Variants in INPP5K observed in about 807,000 individuals in gnomAD.
INPP5K encodes the protein inositol polyphosphate 5-phosphatase K.
Under a neutral mutation model 53.5 loss-of-function variants are expected in INPP5K, and 35 were observed. That is an observed-to-expected ratio of 0.65 (90% CI 0.50 to 0.87). INPP5K has a LOEUF of 0.87. INPP5K is among the 40% of genes least tolerant of loss of function. INPP5K has a pLI of 0.00. For missense variants in INPP5K, 550 were observed against 586.2 expected (o/e 0.94, Z 0.64); for synonymous variants, 253 against 232.8 (o/e 1.09, Z -0.79).
chr17:1,499,116 T>G (rs1458572435), intron 7 of INPP5K, among the ~76,000 whole-genome samples: 9 of 152,176 alleles, frequency 5.9e-5, no homozygotes, highest in Non-Finnish European at 1.0e-4. Flanking sequence ...CCATGAAGGG[T>G]TGCTAGGATG....
chr17:1,505,181 A>G (rs911433064), intron 7 of INPP5K, among the ~76,000 whole-genome samples: 3 of 152,066 alleles, frequency 2.0e-5, no homozygotes, highest in African/African-American at 4.8e-5. Context: ...GCTGGAGTGC[A>G]GTGAGTCAAT....
chr17:1,509,948 G>C, intron 3 of INPP5K, 149 bp from the exon 4 acceptor site: 1 of 581,606 alleles, frequency 1.7e-6, no homozygotes, highest in Non-Finnish European at 3.0e-6. Flanking sequence ...GAATCTCAGA[G>C]TTTCAAGCCT....
At chr17:1,505,410 A>G (rs985576815) in intron 7 of INPP5K, among the ~76,000 whole-genome samples, 6 of 151,646 alleles carry the variant, frequency 4.0e-5, no homozygotes, top group Non-Finnish European at 5.9e-5. Context: ...AGCTCCCACC[A>G]GGACTCTTGT....
chr17:1,496,878 T>A (rs1198691592), intron 8 of INPP5K, 75 bp from the exon 9 acceptor site: 9 of 1,514,218 alleles, frequency 5.9e-6, no homozygotes, highest in Non-Finnish European at 8.1e-6. Context: ...TTCCTCACTG[T>A]GCCCTTCCAA....
rs200171094 is a variant in INPP5K at position 1,507,037 on chromosome 17, C to T, written c.719G>A (p.Arg240His). 45 of 1,613,980 alleles carry T rather than the reference C, an allele frequency of 2.8e-5. No homozygotes were observed. Among genetic ancestry groups the T allele is most frequent in the Middle Eastern group, 1.6e-4 (1 of 6,062 alleles). ...DPLLREFQEG[R>H]LLFPPTYKFD... ...CTTGTAGGTGGGCGGGAAGAGTAGG[C>T]GGCCCTCCTGGAACTCCCGGAGCAG... is the stretch of plus-strand genomic sequence containing the variant. Residue 240 changes from arginine (R) to histidine (H), a missense_variant, in exon 7 of 12, where the codon CGC becomes CAC. Physicochemically the swap from Arg to His is conservative, Grantham distance 29. Transcript: ENST00000421807.
intron 1 of INPP5K, among the ~76,000 whole-genome samples, chr17:1,514,669 CCT>C (rs956168962): frequency 1.3e-5 from 2 of 152,104 alleles, no homozygotes; most frequent in African/African-American, 4.8e-5. Flanking sequence ...CACCCACACC[CCT>C]CTGTCATCAT....
In INPP5K at chr17:1,507,025, G is replaced by A. The variant is rs769608442; in HGVS notation, c.731C>T (p.Pro244Leu). ...REFQEGRLLFPPTYKFDRNSN... is the reference protein window; with the variant it reads ...REFQEGRLLFLPTYKFDRNSN... ...GTTCCTATCAAACTTGTAGGTGGGC[G>A]GGAAGAGTAGGCGGCCCTCCTGGAA... is the stretch of plus-strand genomic sequence containing the variant. Residue 244 changes from proline to leucine, a missense_variant, in exon 7 of 12, where the codon CCG becomes CTG. Pro to Leu is a moderately conservative substitution (Grantham distance 98). Coordinates refer to ENST00000421807, the MANE Select transcript of INPP5K (RefSeq NM_016532.4). 2.1e-5 allele frequency: 34 copies of A among 1,613,866 alleles called. No homozygotes were observed. The highest frequency in any genetic ancestry group is 1.4e-4 in the South Asian group (13 of 91,078).
intron 1 of INPP5K, 103 bp downstream of exon 1, chr17:1,516,353 A>C: frequency 7.8e-7 from 1 of 1,279,196 alleles, no homozygotes; most frequent in Non-Finnish European, 1.1e-6. Flanking sequence ...CTCTGAACCA[A>C]AGGCAGTCAT....
rs140874421 is a variant in INPP5K, at chr17:1,495,460, G to A, written c.*363C>T. 2.1e-4 allele frequency: 51 copies of A among 247,114 alleles called. No homozygotes were observed. In the East Asian group the frequency reaches 4.6e-3, roughly 22 times the overall value. 15.3% of individuals were successfully genotyped at this position (247,114 alleles called of 1,614,324 possible). On this transcript the variant is annotated 3_prime_UTR_variant, in exon 12 of 12. Coordinates refer to ENST00000421807, the MANE Select transcript of INPP5K (RefSeq NM_016532.4). ...GACAGCCTGAGGCCCAGGACGGCAC[G>A]ACAAGAATGCAGGCCTGTGCCAAAT...
At chr17:1,499,329 C>A (rs753077666) in intron 7 of INPP5K, among the ~76,000 whole-genome samples, 1 of 152,066 alleles carries the variant, frequency 6.6e-6, no homozygotes, top group African/African-American at 2.4e-5. Flanking sequence ...TGACTCTCTA[C>A]TAAAAGTACA....
intron 7 of INPP5K, among the ~76,000 whole-genome samples, chr17:1,506,223 C>T (rs749862814): frequency 1.5e-4 from 23 of 152,098 alleles, no homozygotes; most frequent in Non-Finnish European, 2.9e-4. Context: ...GGGGTTTTAC[C>T]ATGTTGGTCA....
Position 1,496,159 on chromosome 17 carries a change from G to A in INPP5K, c.1191C>T (p.Tyr397=). ...TGGTAGGGATATTGCTGATGTCGATGTAAACCTGGAGGGGGATGGACAGGA... is the reference window on the plus strand; with the variant it reads ...TGGTAGGGATATTGCTGATGTCGATATAAACCTGGAGGGGGATGGACAGGA... The part of the protein sequence containing the change: ...VSCSDNLNQV[Y]IDISNIPTTE... Residue 397 remains tyrosine, a synonymous_variant, in exon 11 of 12, where the codon TAC becomes TAT. Transcript: ENST00000421807. 6.2e-7 allele frequency: 1 copy of A among 1,608,050 alleles called. No homozygotes were observed. The highest frequency in any genetic ancestry group is 8.5e-7 in the Non-Finnish European group (1 of 1,174,512).
intron 11 of INPP5K, 70 bp from the exon 12 acceptor site, chr17:1,495,949 C>G (rs573188602): frequency 2.1e-6 from 3 of 1,452,404 alleles, no homozygotes; most frequent in Non-Finnish European, 1.9e-6. Flanking sequence ...ACCCCCGTTC[C>G]TGCACTGCAG....
chr17:1,501,674 C>A (rs545706916), intron 7 of INPP5K, among the ~76,000 whole-genome samples: 10 of 152,318 alleles, frequency 6.6e-5, no homozygotes, highest in African/African-American at 2.4e-4. Flanking sequence ...AGACCACAGA[C>A]ACTGCGTCCC....
intron 7 of INPP5K, among the ~76,000 whole-genome samples, chr17:1,499,704 T>C (rs2074955778): frequency 6.6e-6 from 1 of 152,198 alleles, no homozygotes; most frequent in Non-Finnish European, 1.5e-5. Context: ...CTTGAGGCCC[T>C]GCCCTCCTGG....
chr17:1,506,737 C>T (rs181942661), intron 7 of INPP5K, among the ~76,000 whole-genome samples: 1 of 152,038 alleles, frequency 6.6e-6, no homozygotes, highest in African/African-American at 2.4e-5. Flanking sequence ...ATCTGTAACA[C>T]CCCCACCCCC....
At chr17:1,499,891 C>G (rs553192971) in intron 7 of INPP5K, among the ~76,000 whole-genome samples, 1 of 152,390 alleles carries the variant, frequency 6.6e-6, no homozygotes, top group Admixed American at 6.5e-5. Flanking sequence ...CTCACACACT[C>G]TATCTCATCT....
At chr17:1,514,121 G>A in intron 1 of INPP5K, 142 bp from the exon 2 acceptor site, 4 of 475,808 alleles carry the variant, frequency 8.4e-6, no homozygotes, top group South Asian at 6.2e-5. Context: ...TCGGGAGTTC[G>A]AGACAAGCCT....
intron 5 of INPP5K, 166 bp downstream of exon 5, chr17:1,509,012 C>T (rs1384074509): frequency 2.2e-5 from 10 of 455,096 alleles, no homozygotes; most frequent in Non-Finnish European, 2.6e-5. Flanking sequence ...TGGCGGTCAG[C>T]GTGGGGCAGA....
Sources: gnomAD v4.1 joint callset for allele counts (sites outside exome capture counted in the v4.1 genomes callset) on GRCh38, gnomAD v4.1.1 for gene constraint, MANE v1.5 for transcripts, NCBI Gene and HGNC (gene_info 2026-07-23, HGNC 2026-07-21) for gene names.